The following KCNMB2 variants were observed in gnomAD, a reference collection of about 807,000 sequenced individuals.
KCNMB2 encodes calcium-activated potassium channel subunit beta-2.
Under a neutral mutation model 24.5 loss-of-function variants are expected in KCNMB2, and 9 were observed. That is an observed-to-expected ratio of 0.37 (90% CI 0.22 to 0.64). KCNMB2 has a LOEUF of 0.64. KCNMB2 is among the 30% of genes least tolerant of loss of function. KCNMB2 has a pLI of 0.63. For synonymous variants in KCNMB2, 109 were observed against 104.4 expected (o/e 1.04, Z -0.27); for missense variants, 226 against 284.3 (o/e 0.79, Z 1.47).
At chr3:178,593,705 C>T (rs542603231) in intron 1 of KCNMB2, among the ~76,000 whole-genome samples, 7 of 151,570 alleles carry the variant, frequency 4.6e-5, no homozygotes, top group African/African-American at 1.5e-4. Flanking sequence ...ACCAATTCCC[C>T]GGCCTTAGAT....
intron 1 of KCNMB2, among the ~76,000 whole-genome samples, chr3:178,778,019 A>G (rs1712653242): frequency 6.6e-6 from 1 of 152,200 alleles, no homozygotes; most frequent in African/African-American, 2.4e-5. Context: ...TGGCTACTGC[A>G]GCTGCATTTC....
chr3:178,838,958 T>G (rs1368527808), intron 4 of KCNMB2, among the ~76,000 whole-genome samples: 2 of 152,204 alleles, frequency 1.3e-5, no homozygotes, highest in Non-Finnish European at 1.5e-5. Flanking sequence ...TATAATGTTT[T>G]GAAGAAGGAG....
At chr3:178,594,949 A>G (rs1717812240) in intron 1 of KCNMB2, among the ~76,000 whole-genome samples, 1 of 150,604 alleles carries the variant, frequency 6.6e-6, no homozygotes, top group Non-Finnish European at 1.5e-5. Flanking sequence ...ACACACTACT[A>G]ATGAAATTAT....
At chr3:178,728,903 T>C (rs1723051915) in intron 1 of KCNMB2, among the ~76,000 whole-genome samples, 1 of 152,178 alleles carries the variant, frequency 6.6e-6, no homozygotes. Flanking sequence ...TCTCCAAACT[T>C]ACTTAGTCTG....
At chr3:178,812,838 A>C (rs1235714059) in intron 2 of KCNMB2, among the ~76,000 whole-genome samples, 1 of 152,170 alleles carries the variant, frequency 6.6e-6, no homozygotes, top group Non-Finnish European at 1.5e-5. Context: ...AACAGTTTAC[A>C]AATTTTAGCA....
chr3:178,771,413 A>G (rs1037513783), intron 1 of KCNMB2, among the ~76,000 whole-genome samples: 3 of 148,306 alleles, frequency 2.0e-5, no homozygotes, highest in African/African-American at 5.0e-5. Flanking sequence ...AGTCCTGGAC[A>G]TTGCCTACAG....
At position 178,630,898 on chromosome 3, in the gene KCNMB2, C is replaced by A. The variant is rs138272172; in HGVS notation, c.-68+94187C>A. ...GAATTGTTTTTAAGAAAATGTTATCCAAGCCTAATCAGCTTTAGTGTTTTA... is the reference window on the plus strand; with the variant it reads ...GAATTGTTTTTAAGAAAATGTTATCAAAGCCTAATCAGCTTTAGTGTTTTA... On this transcript the variant is annotated intron_variant, in intron 1 of 4. Coordinates refer to ENST00000452583, the MANE Select transcript of KCNMB2 (RefSeq NM_181361.3). Among the ~76,000 whole-genome samples, 193 of 152,236 alleles carry A rather than the reference C, an allele frequency of 1.3e-3. 2 individuals are homozygous for A. The East Asian group carries it at 0.032, about 25-fold the overall frequency.
At chr3:178,620,279 T>A (rs1718861217) in intron 1 of KCNMB2, among the ~76,000 whole-genome samples, 1 of 152,156 alleles carries the variant, frequency 6.6e-6, no homozygotes, top group African/African-American at 2.4e-5. Context: ...TGCTAATAGC[T>A]GGATAAGCTA....
At chr3:178,773,499 T>A (rs1299040237) in intron 1 of KCNMB2, among the ~76,000 whole-genome samples, 2 of 152,194 alleles carry the variant, frequency 1.3e-5, no homozygotes, top group Non-Finnish European at 2.9e-5. Context: ...GTATTTGTAC[T>A]GGGTCTGAGA....
intron 1 of KCNMB2, among the ~76,000 whole-genome samples, chr3:178,578,218 A>T (rs1577023730): frequency 6.6e-6 from 1 of 152,330 alleles, no homozygotes; most frequent in East Asian, 1.9e-4. Context: ...AGTGGGGGCC[A>T]ATATTCAACA....
At chr3:178,714,775 G>T (rs368045183) in intron 1 of KCNMB2, among the ~76,000 whole-genome samples, 9 of 152,160 alleles carry the variant, frequency 5.9e-5, no homozygotes, top group African/African-American at 2.2e-4. Context: ...TCTAATGTTC[G>T]TCAGCCGTTG....
chr3:178,798,333 TATTA>T (rs1467947645), intron 1 of KCNMB2, among the ~76,000 whole-genome samples: 1 of 152,170 alleles, frequency 6.6e-6, no homozygotes, highest in East Asian at 1.9e-4. Context: ...TATTAAGAGT[TATTA>T]AGAGAATTCA....
chr3:178,681,637 T>C (rs1020762693), intron 1 of KCNMB2, among the ~76,000 whole-genome samples: 20 of 152,232 alleles, frequency 1.3e-4, no homozygotes, highest in African/African-American at 4.8e-4. Flanking sequence ...TCCAAGGTCC[T>C]ACTGCTAGTT....
chr3:178,664,345 G>A (rs1720640907), intron 1 of KCNMB2, among the ~76,000 whole-genome samples: 1 of 152,068 alleles, frequency 6.6e-6, no homozygotes, highest in Non-Finnish European at 1.5e-5. Flanking sequence ...GAGATAAGAG[G>A]GAGAACAATT....
At chr3:178,562,358 G>A (rs545387072) in intron 1 of KCNMB2, among the ~76,000 whole-genome samples, 15 of 152,316 alleles carry the variant, frequency 9.8e-5, no homozygotes, top group East Asian at 3.9e-4. Flanking sequence ...CCAAGACTGC[G>A]TAATTAAGGG....
chr3:178,590,839 T>C (rs1717642934), intron 1 of KCNMB2, among the ~76,000 whole-genome samples: 1 of 152,186 alleles, frequency 6.6e-6, no homozygotes, highest in Admixed American at 6.6e-5. Flanking sequence ...TTAATCACTT[T>C]TTAAGGTAGA....
intron 1 of KCNMB2, among the ~76,000 whole-genome samples, chr3:178,654,019 G>A (rs907344023): frequency 6.6e-6 from 1 of 152,058 alleles, no homozygotes; most frequent in Non-Finnish European, 1.5e-5. Flanking sequence ...GTAATGGGCT[G>A]AACCTAGAAG....
intron 1 of KCNMB2, among the ~76,000 whole-genome samples, chr3:178,633,111 G>A (rs752948553): frequency 2.0e-5 from 3 of 152,176 alleles, no homozygotes; most frequent in Non-Finnish European, 4.4e-5. Flanking sequence ...AGCTTTGCAG[G>A]GTACAGCCCC....
chr3:178,760,160 A>C (rs866933839), intron 1 of KCNMB2, among the ~76,000 whole-genome samples: 1 of 41,084 alleles, frequency 2.4e-5, no homozygotes, highest in Non-Finnish European at 4.0e-5. Flanking sequence ...ATATATCTAT[A>C]TATATATATA....
Sources: allele counts gnomAD v4.1 joint callset (sites outside exome capture counted in the v4.1 genomes callset), GRCh38; gene constraint gnomAD v4.1.1; transcripts MANE v1.5; gene names NCBI Gene and HGNC (gene_info 2026-07-23, HGNC 2026-07-21).